The following CAMK4 variants were observed in gnomAD, a reference collection of about 807,000 sequenced individuals.
CAMK4 encodes the protein calcium/calmodulin-dependent protein kinase type IV.
A neutral mutation model predicts 44.9 loss-of-function variants in CAMK4; 22 were observed. That is an observed-to-expected ratio of 0.49 (90% confidence interval 0.35 to 0.70). The LOEUF is 0.70. CAMK4 is among the 30% of genes least tolerant of loss of function. CAMK4 has a pLI of 0.01. For synonymous variants in CAMK4, 218 were observed against 215.4 expected, an observed-to-expected ratio of 1.01 and a Z score of -0.11; for missense variants, 498 against 586.8, an observed-to-expected ratio of 0.85 and a Z score of 1.56.
rs1304169052 is a variant in CAMK4 at position 111,482,602 on chromosome 5, C to T, written c.829-183C>T. 4 of 451,598 alleles carry T rather than the reference C, an allele frequency of 8.9e-6. No homozygotes were observed. The highest frequency in any genetic ancestry group is 1.6e-5 in the Non-Finnish European group (4 of 257,356). 28.0% of individuals were successfully genotyped at this position (451,598 alleles called of 1,614,324 possible). A position where few individuals can be genotyped will look rare whatever the true frequency, so the allele number is the denominator to read the frequency against. On this transcript the variant is annotated intron_variant, in intron 9 of 10. Transcript: ENST00000282356. This position sits in a 1 kb window ranked among gnomAD's most constrained non-coding sequence, Gnocchi z 4.9. Reference sequence around the variant, plus strand: ...ATGGCCCTGTCTTCTCATACTCCCTCAGCTACTGCTACCTGAAGCTGTGCC... The same window carrying T: ...ATGGCCCTGTCTTCTCATACTCCCTTAGCTACTGCTACCTGAAGCTGTGCC...
At chr5:111,242,139 T>G (rs772403249) in intron 1 of CAMK4, among the ~76,000 whole-genome samples, 1 of 152,018 alleles carries the variant, frequency 6.6e-6, no homozygotes, top group Non-Finnish European at 1.5e-5. Flanking sequence ...GTAGCCCACC[T>G]CAGTACATGT....
In CAMK4 at chr5:111,377,045, T is replaced by C. The variant is rs1751238640; in HGVS notation, c.386+103T>C. 6 of 688,750 alleles carry C rather than the reference T, an allele frequency of 8.7e-6. No individual in the cohort carries two copies. The Admixed American group carries it at 1.6e-4, about 18-fold the overall frequency. 42.7% of individuals were successfully genotyped at this position (688,750 alleles called of 1,614,324 possible). On this transcript the variant is annotated intron_variant, in intron 4 of 10. Coordinates refer to ENST00000282356, the MANE Select transcript of CAMK4 (RefSeq NM_001744.6). Reference sequence around the variant, plus strand: ...TGAAACTTTTTATAATGACAGATTATACTTGTTGATAAATACTACTAAAAA... The same window carrying C: ...TGAAACTTTTTATAATGACAGATTACACTTGTTGATAAATACTACTAAAAA...
At chr5:111,317,898 T>TAAAAA (rs3066636) in intron 1 of CAMK4, among the ~76,000 whole-genome samples, 6,012 of 68,896 alleles carry the variant, frequency 0.087, 381 homozygotes, top group East Asian at 0.14. Context: ...GAGTAATATG[T>TAAAAA]AAAAAAAAAA....
intron 1 of CAMK4, among the ~76,000 whole-genome samples, chr5:111,340,389 T>G (rs1163870876): frequency 1.3e-5 from 2 of 151,300 alleles, no homozygotes; most frequent in African/African-American, 4.8e-5. Context: ...TGAGGTACAT[T>G]CTTTCTATAC....
At chr5:111,434,167 C>T (rs988112820) in intron 5 of CAMK4, among the ~76,000 whole-genome samples, 2 of 151,940 alleles carry the variant, frequency 1.3e-5, no homozygotes, top group African/African-American at 4.8e-5. Context: ...GTGGCGTGCT[C>T]CTGTAGTCCC....
chr5:111,234,365 A>G (rs1419924507), intron 1 of CAMK4, among the ~76,000 whole-genome samples: 1 of 152,162 alleles, frequency 6.6e-6, no homozygotes, highest in Non-Finnish European at 1.5e-5. Context: ...TGTAACCAAA[A>G]CAGTCACATA....
intron 5 of CAMK4, among the ~76,000 whole-genome samples, chr5:111,435,816 A>G (rs1753624642): frequency 6.6e-6 from 1 of 152,214 alleles, no homozygotes; most frequent in African/African-American, 2.4e-5. Context: ...CTTTTCTGAA[A>G]CATGGGCACA....
chr5:111,313,632 A>T (rs1461140273), intron 1 of CAMK4, among the ~76,000 whole-genome samples: 1 of 152,118 alleles, frequency 6.6e-6, no homozygotes, highest in African/African-American at 2.4e-5. Context: ...TCCTGTTATG[A>T]TAGATTACCA....
chr5:111,283,254 T>C (rs1024601515), intron 1 of CAMK4, among the ~76,000 whole-genome samples: 6 of 152,214 alleles, frequency 3.9e-5, no homozygotes, highest in African/African-American at 1.2e-4. Context: ...GACACCCTTA[T>C]TGGAAGCTCT....
intron 5 of CAMK4, among the ~76,000 whole-genome samples, chr5:111,442,897 A>G (rs1395798062): frequency 6.7e-6 from 1 of 149,994 alleles, no homozygotes; most frequent in East Asian, 1.9e-4. Context: ...TAATTTATTA[A>G]TTTAATTTTC....
In CAMK4 at chr5:111,358,133, C is replaced by A. The variant is rs1002299452; in HGVS notation, c.240+14031C>A. The A allele has an allele frequency of 2.6e-5, 4 of 152,076 alleles. No individual in the cohort carries two copies. In the South Asian group the frequency reaches 8.3e-4, roughly 31 times the overall value. 9.4% of individuals were successfully genotyped at this position (152,076 alleles called of 1,614,324 possible). On this transcript the variant is annotated intron_variant, in intron 2 of 10. Transcript: ENST00000282356. ...GAAGCGGAGTGCTGCTTGTAAGTTA[C>A]ACTGTGAAGAATGGGCAAATAATAT...
intron 1 of CAMK4, among the ~76,000 whole-genome samples, chr5:111,322,853 A>C (rs1252338603): frequency 6.6e-6 from 1 of 152,150 alleles, no homozygotes; most frequent in Non-Finnish European, 1.5e-5. Context: ...ATTGAAAAGT[A>C]CATTATATGA....
intron 1 of CAMK4, among the ~76,000 whole-genome samples, chr5:111,339,529 T>C (rs1303978466): frequency 6.6e-6 from 1 of 151,388 alleles, no homozygotes; most frequent in Non-Finnish European, 1.5e-5. Flanking sequence ...CAAAAACCAG[T>C]TGGCCATAAA....
At chr5:111,412,724 C>T (rs1343945859) in intron 5 of CAMK4, among the ~76,000 whole-genome samples, 1 of 152,154 alleles carries the variant, frequency 6.6e-6, no homozygotes, top group South Asian at 2.1e-4. Context: ...CTAGCTAGAA[C>T]AGAGACTTGG....
intron 8 of CAMK4, among the ~76,000 whole-genome samples, chr5:111,477,318 C>T (rs1463860742): frequency 6.6e-6 from 1 of 152,208 alleles, no homozygotes; most frequent in Non-Finnish European, 1.5e-5. Context: ...AAAGGACATA[C>T]GAAACTGCTT....
At chr5:111,263,932 GA>G (rs983310980) in intron 1 of CAMK4, among the ~76,000 whole-genome samples, 7 of 150,938 alleles carry the variant, frequency 4.6e-5, no homozygotes, top group East Asian at 1.9e-4. Flanking sequence ...CATTCTCATA[GA>G]AAAAAAAAGC....
intron 5 of CAMK4, among the ~76,000 whole-genome samples, chr5:111,439,027 C>T (rs1470651925): frequency 6.6e-6 from 1 of 152,200 alleles, no homozygotes; most frequent in African/African-American, 2.4e-5. Flanking sequence ...GCTCTCTCCA[C>T]AAACAGGCAC....
intron 1 of CAMK4, among the ~76,000 whole-genome samples, chr5:111,342,949 A>G (rs776809642): frequency 4.6e-5 from 7 of 151,594 alleles, no homozygotes; most frequent in South Asian, 4.1e-4. Flanking sequence ...TAGAAACACA[A>G]TGCATTTTTA....
intron 1 of CAMK4, among the ~76,000 whole-genome samples, chr5:111,281,748 C>T (rs1751025490): frequency 1.3e-5 from 2 of 152,346 alleles, no homozygotes; most frequent in South Asian, 2.1e-4. Flanking sequence ...GGAAAATTAT[C>T]TAAAATTGAC....
Sources: gnomAD v4.1 joint callset for allele counts (sites outside exome capture counted in the v4.1 genomes callset) on GRCh38, gnomAD v4.1.1 for gene constraint, Gnocchi (gnomAD v3.1) non-coding constraint, MANE v1.5 for transcripts, NCBI Gene and HGNC (gene_info 2026-07-23, HGNC 2026-07-21) for gene names.